Variants in GNA14 observed in about 807,000 individuals in gnomAD.
GNA14 encodes the protein guanine nucleotide-binding protein subunit alpha-14.
GNA14 carries 50 observed loss-of-function variants against 42.0 expected under a neutral mutation model. That is an observed-to-expected ratio of 1.19 (90% CI 0.95 to 1.51). The LOEUF (loss-of-function observed/expected upper bound fraction) is 1.51, where lower values mean the gene tolerates loss of function less well. GNA14 is among the 40% of genes most tolerant of loss of function. GNA14 has a pLI of 0.00. For missense variants in GNA14, 473 were observed against 446.2 expected (o/e 1.06, Z -0.54); for synonymous variants, 173 against 163.1 (o/e 1.06, Z -0.46).
At chr9:77,434,900 A>G in intron 2 of GNA14, among the ~76,000 whole-genome samples, 1 of 152,202 alleles carries the variant, frequency 6.6e-6, no homozygotes, top group East Asian at 1.9e-4. Flanking sequence ...GAGTATCTGC[A>G]TAGCCAATGA....
chr9:77,549,881 G>T (rs1165056862), intron 1 of GNA14, among the ~76,000 whole-genome samples: 1 of 152,112 alleles, frequency 6.6e-6, no homozygotes, highest in African/African-American at 2.4e-5. Context: ...AAGCGCTTGG[G>T]ACTCTATAAT....
chr9:77,616,629 T>A (rs1435100631), intron 1 of GNA14, among the ~76,000 whole-genome samples: 1 of 152,236 alleles, frequency 6.6e-6, no homozygotes, highest in Non-Finnish European at 1.5e-5. Context: ...TGGAAACAGC[T>A]CTTTCCTAAG....
At chr9:77,483,571 T>A (rs2131730594) in intron 2 of GNA14, among the ~76,000 whole-genome samples, 1 of 152,328 alleles carries the variant, frequency 6.6e-6, no homozygotes, top group Non-Finnish European at 1.5e-5. Context: ...AGCTGCATGC[T>A]GGGAGAACCA....
chr9:77,553,986 G>A (rs749288277), intron 1 of GNA14, among the ~76,000 whole-genome samples: 29 of 152,302 alleles, frequency 1.9e-4, no homozygotes, highest in Admixed American at 6.5e-4. Flanking sequence ...ATGAAATGCC[G>A]TCTACAGTAC....
intron 1 of GNA14, among the ~76,000 whole-genome samples, chr9:77,533,337 AC>A (rs1837555194): frequency 6.6e-6 from 1 of 152,030 alleles, no homozygotes; most frequent in Non-Finnish European, 1.5e-5. Flanking sequence ...GTGCCACCAC[AC>A]CTGGCTAATT....
chr9:77,461,702 A>AC (rs1260126316), intron 2 of GNA14, among the ~76,000 whole-genome samples: 1 of 151,878 alleles, frequency 6.6e-6, no homozygotes, highest in African/African-American at 2.4e-5. Flanking sequence ...GGCAATATAT[A>AC]CCCCCCAAAC....
intron 2 of GNA14, among the ~76,000 whole-genome samples, chr9:77,456,055 T>C (rs1317707341): frequency 6.6e-6 from 1 of 152,132 alleles, no homozygotes; most frequent in Non-Finnish European, 1.5e-5. Flanking sequence ...TAATAGCTAA[T>C]CTAAACTGAG....
intron 1 of GNA14, among the ~76,000 whole-genome samples, chr9:77,574,212 G>A (rs963095953): frequency 2.0e-5 from 3 of 152,164 alleles, no homozygotes; most frequent in African/African-American, 7.2e-5. Context: ...CTGAATATAA[G>A]CAAGAGCATG....
rs968225013 is a variant in GNA14, at chr9:77,460,854, T to C, written c.310-26332A>G. ...AGAGCAGGGGCCAGGTCCAGTGTCGTTGACTTTGTTTTTTTGTAAATTGGA... is the reference window on the plus strand; with the variant it reads ...AGAGCAGGGGCCAGGTCCAGTGTCGCTGACTTTGTTTTTTTGTAAATTGGA... On this transcript the variant is annotated intron_variant, in intron 2 of 6. Transcript: ENST00000341700. Among the ~76,000 whole-genome samples, 40 of 152,170 alleles carry C rather than the reference T, an allele frequency of 2.6e-4. 2 individuals are homozygous for C. Among genetic ancestry groups the C allele is most frequent in the East Asian group, 3.9e-4 (2 of 5,192 alleles).
At chr9:77,509,735 G>T (rs1837128566) in intron 2 of GNA14, among the ~76,000 whole-genome samples, 1 of 152,088 alleles carries the variant, frequency 6.6e-6, no homozygotes, top group Non-Finnish European at 1.5e-5. Flanking sequence ...TCTTGTATAG[G>T]TTGGTGAGAA....
chr9:77,472,454 G>T (rs983902325), intron 2 of GNA14, among the ~76,000 whole-genome samples: 1 of 152,054 alleles, frequency 6.6e-6, no homozygotes, highest in African/African-American at 2.4e-5. Context: ...GAAATAAAAG[G>T]CATCCAGAGA....
At chr9:77,607,613 C>A (rs1292441658) in intron 1 of GNA14, among the ~76,000 whole-genome samples, 1 of 152,182 alleles carries the variant, frequency 6.6e-6, no homozygotes, top group African/African-American at 2.4e-5. Flanking sequence ...TCTTTAAGTG[C>A]TGAATGTCTT....
chr9:77,571,892 A>T (rs1402633125), intron 1 of GNA14, among the ~76,000 whole-genome samples: 1 of 152,186 alleles, frequency 6.6e-6, no homozygotes, highest in Non-Finnish European at 1.5e-5. Context: ...ATATTGGGTT[A>T]AATAAACATA....
intron 2 of GNA14, among the ~76,000 whole-genome samples, chr9:77,497,554 G>A (rs374387185): frequency 3.3e-5 from 5 of 152,072 alleles, no homozygotes; most frequent in Admixed American, 1.3e-4. Flanking sequence ...CACTATTGGC[G>A]CATTTTACAA....
intron 2 of GNA14, among the ~76,000 whole-genome samples, chr9:77,517,802 G>A (rs1837284471): frequency 6.6e-6 from 1 of 151,314 alleles, no homozygotes; most frequent in African/African-American, 2.4e-5. Flanking sequence ...ACAGGATATT[G>A]CCATGCTGCC....
At chr9:77,525,907 TTTAA>T (rs1837427886) in intron 2 of GNA14, among the ~76,000 whole-genome samples, 1 of 82,210 alleles carries the variant, frequency 1.2e-5, no homozygotes, top group African/African-American at 4.4e-5. Flanking sequence ...TGGGACTTTT[TTTAA>T]AAAAAAAAAA....
chr9:77,479,880 T>A (rs1464822906), intron 2 of GNA14, among the ~76,000 whole-genome samples: 1 of 152,130 alleles, frequency 6.6e-6, no homozygotes, highest in Non-Finnish European at 1.5e-5. Flanking sequence ...AGAATGCTTG[T>A]GATTTTTGTA....
intron 1 of GNA14, among the ~76,000 whole-genome samples, chr9:77,631,719 C>T (rs959540657): frequency 6.6e-6 from 1 of 151,702 alleles, no homozygotes; most frequent in Admixed American, 6.6e-5. Flanking sequence ...TGTTATCTTC[C>T]ATTAGGCCCT....
rs767780053 is a variant in GNA14, at chr9:77,424,046, C to A, written c.1001G>T (p.Arg334Leu). The A allele has an allele frequency of 6.2e-6, 10 of 1,610,674 alleles. No homozygotes were observed. The highest frequency in any genetic ancestry group is 6.8e-6 in the Non-Finnish European group (8 of 1,178,284). ...GTCTTTGACAGCAGCAAACACAAAG[C>A]GAATATTGTCTGTATCTGTAGCACA... Reference protein sequence around the residue: ...FTCATDTDNIRFVFAAVKDTI... With the variant: ...FTCATDTDNILFVFAAVKDTI... The change falls in exon 7 of 7, where the codon CGC becomes CTC. Residue 334 changes from arginine (R) to leucine (L), a missense_variant. Coordinates refer to ENST00000341700, the MANE Select transcript of GNA14 (RefSeq NM_004297.4).
Sources: gnomAD v4.1 joint callset for allele counts (sites outside exome capture counted in the v4.1 genomes callset) on GRCh38, gnomAD v4.1.1 for gene constraint, MANE v1.5 for transcripts, NCBI Gene and HGNC (gene_info 2026-07-23, HGNC 2026-07-21) for gene names.